Variants in PTPRT observed in about 807,000 individuals in gnomAD.
PTPRT encodes the protein protein tyrosine phosphatase receptor type T, also known as receptor-type tyrosine-protein phosphatase T.
PTPRT carries 56 observed loss-of-function variants against 176.8 expected under a neutral mutation model. The ratio of observed to expected loss-of-function variants is 0.32; its 90% confidence interval spans 0.26 to 0.40. The LOEUF is 0.40. Ranked by LOEUF, PTPRT falls within the 10% of genes least tolerant of loss-of-function variation. The probability of loss-of-function intolerance (pLI) is 1.00; values close to 1 mark genes in which losing one functional copy is unlikely to be tolerated. For synonymous variants in PTPRT, 783 were observed against 739.0 expected (o/e 1.06, Z -0.96); for missense variants, 1,540 against 1,908.2 (o/e 0.81, Z 3.60).
intron 1 of PTPRT, among the ~76,000 whole-genome samples, chr20:43,170,482 A>T (rs991420420): frequency 1.3e-5 from 2 of 152,198 alleles, no homozygotes; most frequent in Non-Finnish European, 2.9e-5. Flanking sequence ...AATGGCTATA[A>T]GTTCAAGTCA....
At chr20:42,921,801 C>T (rs1164365893) in intron 1 of PTPRT, among the ~76,000 whole-genome samples, 1 of 152,172 alleles carries the variant, frequency 6.6e-6, no homozygotes, top group East Asian at 1.9e-4. Flanking sequence ...TCCTCAAGAC[C>T]ACCCATGACC....
chr20:42,264,332 G>T (rs569950252), intron 13 of PTPRT, among the ~76,000 whole-genome samples: 1 of 152,168 alleles, frequency 6.6e-6, no homozygotes, highest in Non-Finnish European at 1.5e-5. Flanking sequence ...AACAGAAAAT[G>T]GCAGCTCAAA....
chr20:42,149,674 T>G (rs1423142764), intron 17 of PTPRT, among the ~76,000 whole-genome samples: 1 of 152,172 alleles, frequency 6.6e-6, no homozygotes, highest in African/African-American at 2.4e-5. Context: ...TCTGCCTGCC[T>G]TGGCCTCCCA....
chr20:42,477,355 A>G (rs1352231987), intron 7 of PTPRT, among the ~76,000 whole-genome samples: 1 of 152,206 alleles, frequency 6.6e-6, no homozygotes, highest in East Asian at 1.9e-4. Flanking sequence ...CCCCTTCAGC[A>G]TGTCAGCCAG....
At chr20:42,266,008 G>T (rs564095116) in intron 13 of PTPRT, among the ~76,000 whole-genome samples, 1 of 152,114 alleles carries the variant, frequency 6.6e-6, no homozygotes, top group East Asian at 1.9e-4. Flanking sequence ...TTAACATGAG[G>T]TACACAGGAA....
At chr20:42,444,716 A>C (rs1324221646) in intron 9 of PTPRT, among the ~76,000 whole-genome samples, 1 of 152,162 alleles carries the variant, frequency 6.6e-6, no homozygotes, top group East Asian at 1.9e-4. Flanking sequence ...TTTGTAATAA[A>C]ATATTCTATT....
At chr20:42,153,404 CAG>C (rs1235959970) in intron 17 of PTPRT, among the ~76,000 whole-genome samples, 1 of 152,070 alleles carries the variant, frequency 6.6e-6, no homozygotes, top group Admixed American at 6.5e-5. Context: ...CAAGACCACC[CAG>C]AGTCTCAGGA....
chr20:42,760,088 C>A (rs1384520112), intron 5 of PTPRT, among the ~76,000 whole-genome samples: 1 of 152,134 alleles, frequency 6.6e-6, no homozygotes, highest in Non-Finnish European at 1.5e-5. Context: ...ACTACTGTGT[C>A]CATCAGTCAT....
At chr20:43,063,100 T>C (rs1004306537) in intron 1 of PTPRT, among the ~76,000 whole-genome samples, 1 of 152,158 alleles carries the variant, frequency 6.6e-6, no homozygotes, top group Non-Finnish European at 1.5e-5. Flanking sequence ...CAAAGGTGAA[T>C]TAGAAATTTT....
chr20:42,688,801 C>A (rs528511316), intron 6 of PTPRT, among the ~76,000 whole-genome samples: 8 of 152,108 alleles, frequency 5.3e-5, no homozygotes, highest in Non-Finnish European at 1.0e-4. Flanking sequence ...GAGGCAGGTA[C>A]ATGAAGGCTG....
chr20:42,891,864 G>A (rs1017747160), intron 1 of PTPRT, among the ~76,000 whole-genome samples: 1 of 152,178 alleles, frequency 6.6e-6, no homozygotes, highest in Non-Finnish European at 1.5e-5. Context: ...CACTCTCTAA[G>A]ACAGGAGTCA....
At chr20:42,832,914 G>T (rs2078116476) in intron 2 of PTPRT, among the ~76,000 whole-genome samples, 1 of 151,264 alleles carries the variant, frequency 6.6e-6, no homozygotes, top group African/African-American at 2.4e-5. Context: ...GATCAGCCTG[G>T]GCAATAAAAA....
intron 19 of PTPRT, among the ~76,000 whole-genome samples, chr20:42,125,633 G>A (rs1987817258): frequency 1.3e-5 from 2 of 152,200 alleles, no homozygotes; most frequent in Non-Finnish European, 2.9e-5. Context: ...TGTCTTTAAA[G>A]GCTTGAAACA....
chr20:42,036,343 A>G, the PTPRT span, among the ~76,000 whole-genome samples: 1 of 152,316 alleles, frequency 6.6e-6, no homozygotes, highest in South Asian at 2.1e-4. Context: ...GCTAGAGTTT[A>G]TTGAGAAATT....
At chr20:43,181,463 C>T (rs915817170) in intron 1 of PTPRT, among the ~76,000 whole-genome samples, 5 of 152,150 alleles carry the variant, frequency 3.3e-5, no homozygotes, top group African/African-American at 9.7e-5. Flanking sequence ...TGGGCCCAGG[C>T]ACTTGGAGGC....
intron 6 of PTPRT, among the ~76,000 whole-genome samples, chr20:42,714,846 T>G (rs1386743567): frequency 6.6e-6 from 1 of 151,908 alleles, no homozygotes; most frequent in African/African-American, 2.4e-5. Context: ...TACCAGAGAG[T>G]TCATATGGGG....
At chr20:42,784,064 C>T (rs1216889472) in intron 3 of PTPRT, among the ~76,000 whole-genome samples, 1 of 152,178 alleles carries the variant, frequency 6.6e-6, no homozygotes, top group East Asian at 1.9e-4. Context: ...AGCCCATAGG[C>T]TTCATTAGAG....
At chr20:42,749,837 T>C (rs2039943578) in intron 6 of PTPRT, among the ~76,000 whole-genome samples, 1 of 152,138 alleles carries the variant, frequency 6.6e-6, no homozygotes, top group Non-Finnish European at 1.5e-5. Context: ...AGGCTATAAA[T>C]GCAAATCACT....
rs1451350113 is a variant in PTPRT, at chr20:42,659,115, A to G, written c.1153+18751T>C. ...ATATTTTTTTCATCATTGCTACGAA[A>G]TGCCATTAAGACGTGAATACCTGCC... On this transcript the variant is annotated intron_variant, in intron 7 of 30. Coordinates refer to ENST00000373187, the MANE Select transcript of PTPRT (RefSeq NM_007050.6). Among the ~76,000 whole-genome samples, 5 of 152,162 alleles carry G rather than the reference A, an allele frequency of 3.3e-5. No homozygotes were observed. In the East Asian group the frequency reaches 9.6e-4, roughly 29 times the overall value.
Sources: gnomAD v4.1 joint callset for allele counts (sites outside exome capture counted in the v4.1 genomes callset) on GRCh38, gnomAD v4.1.1 for gene constraint, MANE v1.5 for transcripts, NCBI Gene and HGNC (gene_info 2026-07-23, HGNC 2026-07-21) for gene names.